Variants in AGK observed in about 807,000 individuals in gnomAD.
AGK encodes the protein acylglycerol kinase.
AGK carries 52 observed loss-of-function variants against 66.4 expected under a neutral mutation model. The observed-to-expected ratio is 0.78, with a 90% CI of 0.63 to 0.99. The LOEUF is 0.99. Among genes scored for constraint, AGK ranks in the 50% least tolerant of loss-of-function variants. The probability of loss-of-function intolerance (pLI) is 0.00; values close to 1 mark genes in which losing one functional copy is unlikely to be tolerated. For missense variants in AGK, 451 were observed against 506.6 expected (o/e 0.89, Z 1.05); for synonymous variants, 182 against 181.1 (o/e 1.00, Z -0.04).
At chr7:141,639,142 T>C (rs964115578) in intron 11 of AGK, among the ~76,000 whole-genome samples, 1 of 152,148 alleles carries the variant, frequency 6.6e-6, no homozygotes, top group Admixed American at 6.5e-5. Context: ...ACTTTAAATA[T>C]ACAGACAAGA....
chr7:141,604,370 G>GTA (rs1462892014), intron 5 of AGK, among the ~76,000 whole-genome samples: 4 of 71,280 alleles, frequency 5.6e-5, no homozygotes, highest in African/African-American at 2.5e-4. Flanking sequence ...ATGTGTGTGT[G>GTA]TGTGTATATA....
rs112824590 is a variant in AGK, at chr7:141,642,323, C to G, written c.975+415C>G. Among the ~76,000 whole-genome samples the G allele has an allele frequency of 2.1e-3, 326 of 152,366 alleles. 2 individuals are homozygous for G. The highest frequency in any genetic ancestry group is 7.1e-3 in the African/African-American group (297 of 41,586). ...GAGAAAAATACCCACACACATACAT[C>G]TGTATCTATATCTACATATTATTTA... On this transcript the variant is annotated intron_variant, in intron 13 of 15. Coordinates refer to ENST00000649286, the MANE Select transcript of AGK (RefSeq NM_018238.4).
chr7:141,567,323 A>G (rs1313913261), intron 2 of AGK, among the ~76,000 whole-genome samples: 1 of 152,178 alleles, frequency 6.6e-6, no homozygotes, highest in Non-Finnish European at 1.5e-5. Flanking sequence ...GAAAAATTGC[A>G]TATTTTAATT....
chr7:141,608,787 T>G (rs1796515744), intron 5 of AGK, among the ~76,000 whole-genome samples: 1 of 152,190 alleles, frequency 6.6e-6, no homozygotes, highest in Non-Finnish European at 1.5e-5. Flanking sequence ...AGGGATATCA[T>G]AAAGTGACTT....
At chr7:141,601,337 T>A in intron 5 of AGK, 57 bp downstream of exon 5, 1 of 1,388,580 alleles carries the variant, frequency 7.2e-7, no homozygotes, top group South Asian at 1.2e-5. Context: ...TATAACAACC[T>A]CTTCTCTTGG....
chr7:141,566,470 G>A lies in AGK; in HGVS notation c.101+10903G>A, dbSNP rs147891752. On this transcript the variant is annotated intron_variant, in intron 2 of 15. Transcript: ENST00000649286. ...TATCAACCTTATTGTCTGACCATTAGGAATTCACAAACCTAGGCTGTTGAG... is the reference window on the plus strand; with the variant it reads ...TATCAACCTTATTGTCTGACCATTAAGAATTCACAAACCTAGGCTGTTGAG... Among the ~76,000 whole-genome samples the A allele has an allele frequency of 5.3e-5, 8 of 152,242 alleles. No homozygotes were observed. The East Asian group carries it at 1.5e-3, about 29-fold the overall frequency.
At chr7:141,569,092 T>G (rs1191956042) in intron 2 of AGK, among the ~76,000 whole-genome samples, 3 of 152,222 alleles carry the variant, frequency 2.0e-5, no homozygotes, top group Non-Finnish European at 4.4e-5. Context: ...TTTTGATTAC[T>G]GTATATTGGC....
chr7:141,641,840 T>C lies in AGK; in HGVS notation c.907T>C (p.Trp303Arg). 1 of 1,584,720 alleles carries C rather than the reference T, an allele frequency of 6.3e-7. No individual in the cohort carries two copies. Among genetic ancestry groups the C allele is most frequent in the South Asian group, 1.2e-5 (1 of 86,294 alleles). ...ALSQEVSPEV[W>R]KDVQLSTIEL... ...TTCCCAAGAGGTGAGCCCGGAGGTCTGGAAAGATGTGCAGCTGTCCACCAT... is the reference window on the plus strand; with the variant it reads ...TTCCCAAGAGGTGAGCCCGGAGGTCCGGAAAGATGTGCAGCTGTCCACCAT... Residue 303 changes from tryptophan to arginine, a missense_variant, in exon 13 of 16, where the codon TGG (tryptophan) becomes CGG (arginine). Transcript: ENST00000649286.
At position 141,580,988 on chromosome 7, in the gene AGK, G is replaced by C. The variant is rs531410078; in HGVS notation, c.102-12158G>C. 1.6e-4 allele frequency among the ~76,000 whole-genome samples: 25 copies of C among 152,010 alleles called. No individual in the cohort carries two copies. The Middle Eastern group carries it at 0.014, about 83-fold the overall frequency. On this transcript the variant is annotated intron_variant, in intron 2 of 15. Coordinates refer to ENST00000649286, the MANE Select transcript of AGK (RefSeq NM_018238.4). ...TGTATATAATGGTTTTGTTAGGATG[G>C]CAAAACCAGGTATCCAAAGGCGAAA...
chr7:141,652,405 T>G, intron 15 of AGK: 1 of 159,886 alleles, frequency 6.3e-6, no homozygotes, highest in Non-Finnish European at 1.4e-5. Flanking sequence ...GCTGTCTTTA[T>G]TTTTATTTGA....
At chr7:141,633,833 G>C in intron 9 of AGK, 68 bp from the exon 10 acceptor site, 1 of 1,356,802 alleles carries the variant, frequency 7.4e-7, no homozygotes, top group Non-Finnish European at 1.1e-6. Context: ...CATTTGCTGA[G>C]TACTTAGATG....
At chr7:141,576,221 T>C (rs1795734459) in intron 2 of AGK, among the ~76,000 whole-genome samples, 1 of 152,152 alleles carries the variant, frequency 6.6e-6, no homozygotes, top group African/African-American at 2.4e-5. Flanking sequence ...CATTTAATTT[T>C]CTCAGCAAGG....
intron 8 of AGK, 126 bp downstream of exon 8, chr7:141,615,691 C>A: frequency 1.3e-6 from 1 of 772,210 alleles, no homozygotes; most frequent in Non-Finnish European, 2.2e-6. Context: ...AGAGGAGGAC[C>A]TAGATCAGAG....
intron 5 of AGK, among the ~76,000 whole-genome samples, chr7:141,604,997 G>C (rs184707423): frequency 6.6e-4 from 100 of 151,400 alleles, no homozygotes; most frequent in Non-Finnish European, 1.0e-3. Flanking sequence ...CCTTCAGTTT[G>C]GGTTTATCTA....
At chr7:141,629,865 A>G (rs755451113) in intron 9 of AGK, among the ~76,000 whole-genome samples, 2 of 152,186 alleles carry the variant, frequency 1.3e-5, no homozygotes, top group Admixed American at 1.3e-4. Flanking sequence ...TCTTGCCTAC[A>G]CTACATGCTT....
intron 13 of AGK, among the ~76,000 whole-genome samples, chr7:141,644,174 C>T (rs1000984807): frequency 2.0e-5 from 3 of 151,254 alleles, no homozygotes; most frequent in Admixed American, 1.3e-4. Flanking sequence ...TCCTTTATAC[C>T]AAGTCTTTAA....
chr7:141,615,740 T>C lies in AGK; in HGVS notation c.518+175T>C. On this transcript the variant is annotated intron_variant, in intron 8 of 15. Coordinates refer to ENST00000649286, the MANE Select transcript of AGK (RefSeq NM_018238.4). ...TTCATTGGGAAGTCTCCCAACTTGG[T>C]TGTGGGACTCTTATAATAAGTCTCC... 4 of 602,732 alleles carry C rather than the reference T, an allele frequency of 6.6e-6. No homozygotes were observed. The South Asian group carries it at 8.0e-5, about 12-fold the overall frequency. 37.3% of individuals were successfully genotyped at this position (602,732 alleles called of 1,614,324 possible).
chr7:141,637,946 C>T (rs1247179142), intron 11 of AGK, among the ~76,000 whole-genome samples: 1 of 152,086 alleles, frequency 6.6e-6, no homozygotes, highest in East Asian at 1.9e-4. Flanking sequence ...TCTTTATATA[C>T]CAAGGGCAAA....
At chr7:141,637,042 AT>A in intron 11 of AGK, 25 bp downstream of exon 11, 1 of 1,599,686 alleles carries the variant, frequency 6.3e-7, no homozygotes, top group Non-Finnish European at 8.5e-7. Flanking sequence ...CAGTGTAGAA[AT>A]TTGCTGTGTT....
Sources: allele counts gnomAD v4.1 joint callset (sites outside exome capture counted in the v4.1 genomes callset), GRCh38; gene constraint gnomAD v4.1.1; transcripts MANE v1.5; gene names NCBI Gene and HGNC (gene_info 2026-07-23, HGNC 2026-07-21).